Variants in ACSM5 observed in about 807,000 individuals in gnomAD.
The protein encoded by ACSM5 is acyl-CoA synthetase medium chain family member 5.
A neutral mutation model predicts 71.6 loss-of-function variants in ACSM5; 56 were observed. The observed-to-expected ratio is 0.78, with a 90% CI of 0.63 to 0.98. The LOEUF is 0.98. ACSM5 is among the 50% of genes least tolerant of loss of function. The pLI, the probability that ACSM5 is intolerant of heterozygous loss-of-function variation, is 0.00. For missense variants in ACSM5, 723 were observed against 726.0 expected (o/e 1.00, Z 0.05); for synonymous variants, 285 against 281.5 (o/e 1.01, Z -0.12).
At chr16:20,411,297 G>A (rs1352542345) in intron 1 of ACSM5, among the ~76,000 whole-genome samples, 173 bp from the exon 2 acceptor site, 1 of 152,220 alleles carries the variant, frequency 6.6e-6, no homozygotes, top group Non-Finnish European at 1.5e-5. Flanking sequence ...GGGGTCAGAG[G>A]AGAGAAATGA....
rs539146931 is a variant in ACSM5, at chr16:20,417,359, T to A, written c.205-700T>A. Among the ~76,000 whole-genome samples the A allele has an allele frequency of 2.0e-5, 3 of 152,376 alleles. 1 individual carries two copies. In the South Asian group the frequency reaches 6.2e-4, roughly 32 times the overall value. ...AATGTGGTCTATCCATACAGTGGAA[T>A]ATTATTCAGCCATCAAAATAATGTA... is the stretch of plus-strand genomic sequence containing the variant. On this transcript the variant is annotated intron_variant, in intron 2 of 13. Transcript: ENST00000331849.
intron 2 of ACSM5, among the ~76,000 whole-genome samples, chr16:20,413,467 A>G (rs1390543704): frequency 6.6e-6 from 1 of 152,204 alleles, no homozygotes; most frequent in Non-Finnish European, 1.5e-5. Flanking sequence ...TTGAAGCTCA[A>G]CCAATGAGAA....
chr16:20,432,838 C>A (rs1247362340), intron 10 of ACSM5, among the ~76,000 whole-genome samples: 1 of 108,860 alleles, frequency 9.2e-6, no homozygotes, highest in Non-Finnish European at 1.9e-5. Context: ...GTTTTCTTTC[C>A]AGATCATTCT....
At chr16:20,421,630 T>TAC (rs1966883234) in intron 5 of ACSM5, among the ~76,000 whole-genome samples, 2 of 138,556 alleles carry the variant, frequency 1.4e-5, no homozygotes, top group African/African-American at 5.7e-5. Context: ...TATATATATA[T>TAC]ATATATATAT....
At chr16:20,409,888 G>A (rs986482718) in intron 1 of ACSM5, among the ~76,000 whole-genome samples, 1 of 96,224 alleles carries the variant, frequency 1.0e-5, no homozygotes, top group Admixed American at 9.0e-5. Context: ...CGGGAGAGGT[G>A]AGGGGCGGGA....
chr16:20,422,511 A>T (rs921029427), intron 5 of ACSM5, among the ~76,000 whole-genome samples: 1 of 152,216 alleles, frequency 6.6e-6, no homozygotes, highest in Non-Finnish European at 1.5e-5. Context: ...CTGGCATGTG[A>T]GTATCTGTTA....
At position 20,427,841 on chromosome 16, in the gene ACSM5, G is replaced by C. The variant is rs1387484096; in HGVS notation, c.975G>C (p.Arg325=). ...TCTGCTGTGTCCCAACCATCTTTCG[G>C]CTGCTTGTGCAGGAGGATCTGACCA... The part of the protein sequence containing the change: ...TTLCCVPTIF[R]LLVQEDLTRY... Residue 325 remains arginine (R), a synonymous_variant, in exon 7 of 14, where the codon CGG becomes CGC. Coordinates refer to ENST00000331849, the MANE Select transcript of ACSM5 (RefSeq NM_017888.3). 1 of 1,613,742 alleles carries C rather than the reference G, an allele frequency of 6.2e-7. No homozygotes were observed. Among genetic ancestry groups the C allele is most frequent in the Non-Finnish European group, 8.5e-7 (1 of 1,179,892 alleles).
chr16:20,420,343 G>A (rs1279415185), intron 4 of ACSM5, among the ~76,000 whole-genome samples: 1 of 152,204 alleles, frequency 6.6e-6, no homozygotes, highest in Non-Finnish European at 1.5e-5. Flanking sequence ...GCTCACGCCT[G>A]TAATCCCAGC....
At chr16:20,411,793 C>G in intron 2 of ACSM5, 105 bp downstream of exon 2, 1 of 1,262,906 alleles carries the variant, frequency 7.9e-7, no homozygotes, top group Admixed American at 2.1e-5. Context: ...AAATTTGGAC[C>G]TGGGAATTTT....
chr16:20,437,576 C>A (rs897560571), intron 12 of ACSM5, among the ~76,000 whole-genome samples: 1 of 150,798 alleles, frequency 6.6e-6, no homozygotes, highest in Non-Finnish European at 1.5e-5. Flanking sequence ...CAACACTTTG[C>A]TTTTAAATGG....
chr16:20,414,487 G>C (rs1199324984), intron 2 of ACSM5, among the ~76,000 whole-genome samples: 2 of 152,168 alleles, frequency 1.3e-5, no homozygotes, highest in Non-Finnish European at 1.5e-5. Flanking sequence ...GCATCCAGTA[G>C]GAAAACAATT....
rs1393338438 is a variant in ACSM5 at position 20,436,150 on chromosome 16, C to CCTCT, written c.1309-899_1309-898insTCTC. On this transcript the variant is annotated intron_variant, in intron 10 of 13. Coordinates refer to ENST00000331849, the MANE Select transcript of ACSM5 (RefSeq NM_017888.3). ...CTTCCTTCCTTTCTTTTCCTTCTTC[C>CCTCT]CTCCCTCCCTTCCTCCTTTCCTCCC... Among the ~76,000 whole-genome samples, 92 of 132,164 alleles carry CCTCT rather than the reference C, an allele frequency of 7.0e-4. 1 individual carries two copies. Among genetic ancestry groups the CCTCT allele is most frequent in the African/African-American group, 2.6e-3 (89 of 34,616 alleles). The allele number at this position is 132,164 out of a possible 152,430, so 86.7% of individuals were successfully genotyped here.
intron 6 of ACSM5, among the ~76,000 whole-genome samples, chr16:20,427,142 A>G (rs888541391): frequency 1.3e-5 from 2 of 151,902 alleles, no homozygotes; most frequent in African/African-American, 4.8e-5. Flanking sequence ...TTCTACTAAA[A>G]ATACAAAAAT....
chr16:20,419,232 TG>T lies in ACSM5; in HGVS notation c.421del (p.Val141Ter). The T allele has an allele frequency of 6.2e-7, 1 of 1,614,122 alleles. No individual in the cohort carries two copies. The highest frequency in any genetic ancestry group is 8.5e-7 in the Non-Finnish European group (1 of 1,180,010). ...TCCCCTTCTGTTTTATGCCAGGGAC[TG>T]TGATGATTCCGGGTGTGACTCAGCT... ...VSVACMRTGTVMIPGVTQLTE... is the reference protein window; with the variant it reads ...VSVACMRTGTXMIPGVTQLTE... On this transcript the variant is annotated frameshift_variant, in exon 4 of 14. Transcript: ENST00000331849. LOFTEE classifies it high-confidence loss of function.
In ACSM5 at chr16:20,411,598, C is replaced by T; in HGVS notation, c.114C>T (p.Thr38=). Residue 38 remains threonine, a synonymous_variant, in exon 2 of 14, where the codon ACC becomes ACT. Coordinates refer to ENST00000331849, the MANE Select transcript of ACSM5 (RefSeq NM_017888.3). ...PLPVPQKIVA[T]WEAISLGRQL... is the part of the protein sequence containing the mutation. ...CTGTTCCTCAGAAGATCGTGGCCAC[C>T]TGGGAAGCCATCAGCCTGGGAAGGC... 8 of 1,614,172 alleles carry T rather than the reference C, an allele frequency of 5.0e-6. No individual in the cohort carries two copies. Among genetic ancestry groups the T allele is most frequent in the South Asian group, 3.3e-5 (3 of 91,078 alleles).
At chr16:20,430,765 A>G (rs1292908006) in intron 8 of ACSM5, among the ~76,000 whole-genome samples, 1 of 149,708 alleles carries the variant, frequency 6.7e-6, no homozygotes. Context: ...GGGGAAAGAA[A>G]GGAAAGAAAG....
At chr16:20,423,095 G>C (rs1966909555) in intron 5 of ACSM5, among the ~76,000 whole-genome samples, 1 of 152,042 alleles carries the variant, frequency 6.6e-6, no homozygotes, top group African/African-American at 2.4e-5. Context: ...GTGTAAAGAT[G>C]GTATTTCATA....
At chr16:20,436,458 C>T (rs1004898391) in intron 10 of ACSM5, among the ~76,000 whole-genome samples, 1 of 152,098 alleles carries the variant, frequency 6.6e-6, no homozygotes, top group African/African-American at 2.4e-5. Context: ...GCAACCTCTG[C>T]CTCCCAGGTT....
chr16:20,429,086 C>G (rs1967044827), intron 7 of ACSM5, among the ~76,000 whole-genome samples: 1 of 152,124 alleles, frequency 6.6e-6, no homozygotes, highest in Admixed American at 6.5e-5. Context: ...TCTCAGCTCA[C>G]TGCAACATCT....
Sources: gnomAD v4.1 joint callset for allele counts (sites outside exome capture counted in the v4.1 genomes callset) on GRCh38, gnomAD v4.1.1 for gene constraint, MANE v1.5 for transcripts, NCBI Gene and HGNC (gene_info 2026-07-23, HGNC 2026-07-21) for gene names.